The following EXOC3L2 variants were observed in gnomAD, a reference collection of about 807,000 sequenced individuals.
The protein encoded by EXOC3L2 is exocyst complex component 3 like 2.
Under a neutral mutation model 44.4 loss-of-function variants are expected in EXOC3L2, and 17 were observed. The ratio of observed to expected loss-of-function variants is 0.38; its 90% CI spans 0.26 to 0.57. The LOEUF is 0.57. EXOC3L2 is among the 20% of genes least tolerant of loss of function. EXOC3L2 has a pLI of 0.65. For synonymous variants in EXOC3L2, 256 were observed against 253.7 expected (o/e 1.01, Z -0.09); for missense variants, 541 against 588.4 (o/e 0.92, Z 0.83).
intron 2 of EXOC3L2, among the ~76,000 whole-genome samples, chr19:45,236,716 G>T (rs551482871): frequency 6.6e-6 from 1 of 152,002 alleles, no homozygotes; most frequent in Non-Finnish European, 1.5e-5. Flanking sequence ...GAGGTTGATG[G>T]CCAGGTGCGG....
Position 45,228,150 on chromosome 19 carries a change from C to T in EXOC3L2, c.1371+15G>A. On this transcript the variant is annotated intron_variant, in intron 5 of 11. Coordinates refer to ENST00000413988, the MANE Select transcript of EXOC3L2 (RefSeq NM_001382422.1). ...TTCCATCCAGCCCATCCCCCAGCCTCCCTCCACCTCCTACCTCACACACAT... is the reference window on the plus strand; with the variant it reads ...TTCCATCCAGCCCATCCCCCAGCCTTCCTCCACCTCCTACCTCACACACAT... The T allele has an allele frequency of 6.2e-7, 1 of 1,613,954 alleles. No individual in the cohort carries two copies. Among genetic ancestry groups the T allele is most frequent in the African/African-American group, 1.3e-5 (1 of 75,028 alleles).
At chr19:45,228,712 C>T (rs1347196653) in intron 4 of EXOC3L2, among the ~76,000 whole-genome samples, 1 of 151,834 alleles carries the variant, frequency 6.6e-6, no homozygotes, top group Non-Finnish European at 1.5e-5. Flanking sequence ...ACAGAGGTTG[C>T]AGTGAGTGGA....
intron 2 of EXOC3L2, among the ~76,000 whole-genome samples, chr19:45,235,724 A>G (rs1225638487): frequency 6.6e-6 from 1 of 152,142 alleles, no homozygotes; most frequent in African/African-American, 2.4e-5. Flanking sequence ...ATTTCTGCCC[A>G]TCCGTTTCCA....
At position 45,212,926 on chromosome 19, in the gene EXOC3L2, T is replaced by G; in HGVS notation, c.*143A>C. The G allele has an allele frequency of 1.1e-6, 1 of 939,208 alleles. No homozygotes were observed. Among genetic ancestry groups the G allele is most frequent in the Non-Finnish European group, 1.5e-6 (1 of 676,826 alleles). The allele number at this position is 939,208 out of a possible 1,614,324, so 58.2% of individuals were successfully genotyped here. On this transcript the variant is annotated 3_prime_UTR_variant, in exon 12 of 12. Transcript: ENST00000413988. ...TTGTTTCCCTTCTGTACAGGGAGTT[T>G]GGGGTTGGGTGAAAAGACATCTAAG...
At chr19:45,218,158 T>TTGCCG in intron 9 of EXOC3L2, 39 bp downstream of exon 9, 1 of 1,034,906 alleles carries the variant, frequency 9.7e-7, no homozygotes, top group Non-Finnish European at 1.3e-6. Context: ...TCCCCTCTTT[T>TTGCCG]CCCCCACCCC....
chr19:45,217,984 C>T (rs539333528), intron 9 of EXOC3L2, among the ~76,000 whole-genome samples: 59 of 152,094 alleles, frequency 3.9e-4, no homozygotes, highest in Non-Finnish European at 6.2e-4. Context: ...CCGCCTTACA[C>T]CCCAGTTCCA....
intron 2 of EXOC3L2, among the ~76,000 whole-genome samples, chr19:45,237,985 G>A (rs346744): frequency 0.5 from 76,417 of 151,850 alleles, 20,203 homozygotes; most frequent in Non-Finnish European, 0.58. Flanking sequence ...CTCTACTAAA[G>A]TACAAAAATT....
rs1969829433 is a variant in EXOC3L2 at position 45,215,988 on chromosome 19, G to A, written c.2120+85C>T. 4 of 1,561,276 alleles carry A rather than the reference G, an allele frequency of 2.6e-6. No homozygotes were observed. The East Asian group carries it at 6.9e-5, about 27-fold the overall frequency. On this transcript the variant is annotated intron_variant, in intron 11 of 11. Coordinates refer to ENST00000413988, the MANE Select transcript of EXOC3L2 (RefSeq NM_001382422.1). ...CGCTCACCGGCTCCCTCCCTCAGGAGGCAGGAAGCACAGGGACGGATGCCA... is the reference window on the plus strand; with the variant it reads ...CGCTCACCGGCTCCCTCCCTCAGGAAGCAGGAAGCACAGGGACGGATGCCA...
In EXOC3L2 at chr19:45,218,272, C is replaced by G. The variant is rs1249733126; in HGVS notation, c.1767G>C (p.Glu589Asp). The G allele has an allele frequency of 1.9e-6, 3 of 1,608,596 alleles. No homozygotes were observed. The highest frequency in any genetic ancestry group is 2.7e-5 in the African/African-American group (2 of 74,798). ...GCGTGCCCACGATGCCATCCAGGGC[C>G]TCCGGGCTGCTCAGCCACTTCCGGC... ...LMRRKWLSSP[E>D]ALDGIVGTLG... The change falls in exon 9 of 12, where the codon GAG becomes GAC. Residue 589 changes from glutamate to aspartate, a missense_variant. Coordinates refer to ENST00000413988, the MANE Select transcript of EXOC3L2 (RefSeq NM_001382422.1).
chr19:45,231,164 C>T (rs1259807763), intron 4 of EXOC3L2, among the ~76,000 whole-genome samples: 1 of 152,094 alleles, frequency 6.6e-6, no homozygotes, highest in Middle Eastern at 3.2e-3. Flanking sequence ...GTTCTAGGCT[C>T]TTAAGTAGCA....
At chr19:45,237,262 A>AG (rs1380155563) in intron 2 of EXOC3L2, among the ~76,000 whole-genome samples, 2 of 152,012 alleles carry the variant, frequency 1.3e-5, no homozygotes. Flanking sequence ...CACTTTGAGA[A>AG]GCTGAGGCAG....
At chr19:45,236,548 T>C (rs1046997715) in intron 2 of EXOC3L2, among the ~76,000 whole-genome samples, 2 of 144,232 alleles carry the variant, frequency 1.4e-5, no homozygotes, top group African/African-American at 5.2e-5. Context: ...AATAGGAACA[T>C]GGATGGAATT....
chr19:45,230,877 G>A (rs542713145), intron 4 of EXOC3L2, among the ~76,000 whole-genome samples: 5 of 152,102 alleles, frequency 3.3e-5, no homozygotes, highest in Admixed American at 6.6e-5. Context: ...TTGAGGCCAG[G>A]ATTTTGAGAC....
rs551882452 is a variant in EXOC3L2 at position 45,238,190 on chromosome 19, AGG to A, written c.523+331_523+332del. Among the ~76,000 whole-genome samples, 1 of 152,204 alleles carries A rather than the reference AGG, an allele frequency of 6.6e-6. No homozygotes were observed. Among genetic ancestry groups the A allele is most frequent in the East Asian group, 1.9e-4 (1 of 5,186 alleles). Reference sequence around the variant, plus strand: ...TGAAGAAATTGGGGATAGAAAGAGAAGGGGGAGAGATGGGACCAAAATCAGGT... The same window carrying A: ...TGAAGAAATTGGGGATAGAAAGAGAAGGGAGAGATGGGACCAAAATCAGGT... On this transcript the variant is annotated intron_variant, in intron 2 of 11. Coordinates refer to ENST00000413988, the MANE Select transcript of EXOC3L2 (RefSeq NM_001382422.1). The surrounding 1 kb of genome is among the most constrained non-coding windows in gnomAD (Gnocchi z 5.5).
chr19:45,238,801 T>C lies in EXOC3L2; in HGVS notation c.245A>G (p.Asp82Gly), dbSNP rs1970105754. Reference protein sequence around the residue: ...APGRRAGSPGDGQPRSFLGRV... With the variant: ...APGRRAGSPGGGQPRSFLGRV... ...GCCCAAGAAAGAGCGGGGCTGCCCA[T>C]CCCCAGGGCTGCCTGCCCGCCGGCC... is the stretch of plus-strand genomic sequence containing the variant. Residue 82 changes from aspartate (D) to glycine (G), a missense_variant, in exon 2 of 12, where the codon GAT (aspartate) becomes GGT (glycine). Coordinates refer to ENST00000413988, the MANE Select transcript of EXOC3L2 (RefSeq NM_001382422.1). The surrounding 1 kb of genome is among the most constrained non-coding windows in gnomAD (Gnocchi z 5.5). 12 of 398,662 alleles carry C rather than the reference T, an allele frequency of 3.0e-5. No homozygotes were observed. Among genetic ancestry groups the C allele is most frequent in the Admixed American group, 8.8e-5 (2 of 22,702 alleles). 24.7% of individuals were successfully genotyped at this position (398,662 alleles called of 1,614,324 possible).
intron 1 of EXOC3L2, among the ~76,000 whole-genome samples, chr19:45,244,108 G>C (rs1970151165): frequency 1.3e-5 from 2 of 151,518 alleles, no homozygotes; most frequent in Non-Finnish European, 2.9e-5. Context: ...ATTTTTAGTA[G>C]AGATGAGGTT....
At chr19:45,237,557 C>G (rs115974605) in intron 2 of EXOC3L2, among the ~76,000 whole-genome samples, 1 of 151,936 alleles carries the variant, frequency 6.6e-6, no homozygotes, top group Non-Finnish European at 1.5e-5. Flanking sequence ...GAGAAGCATA[C>G]GGATGTGTCT....
chr19:45,227,733 T>A lies in EXOC3L2; in HGVS notation c.1512A>T (p.Ala504=). The A allele has an allele frequency of 1.2e-6, 2 of 1,613,116 alleles. No individual in the cohort carries two copies. The highest frequency in any genetic ancestry group is 2.7e-5 in the African/African-American group (2 of 75,008). The change falls in exon 7 of 12, where the codon GCA becomes GCT. Residue 504 remains alanine (A), a synonymous_variant. Transcript: ENST00000413988. ...AGGTGTCAGGTAGCATCTCCCGGAC[T>A]GCTGGGTTCTCATGGAATCGCTCCA... ...QRVERFHENP[A]VREMLPDTYI...
intron 7 of EXOC3L2, among the ~76,000 whole-genome samples, chr19:45,227,163 GC>G (rs201691673): frequency 0.024 from 3,660 of 150,410 alleles, 67 homozygotes; most frequent in African/African-American, 0.051. Flanking sequence ...TGTCTTCCAG[GC>G]TGGAGTGCAG....
Sources: allele counts gnomAD v4.1 joint callset (sites outside exome capture counted in the v4.1 genomes callset), GRCh38; gene constraint gnomAD v4.1.1; non-coding constraint Gnocchi (gnomAD v3.1); transcripts MANE v1.5; gene names NCBI Gene and HGNC (gene_info 2026-07-23, HGNC 2026-07-21).